RBFOX1: variants seen among roughly 807,000 people sequenced by gnomAD.
The protein encoded by RBFOX1 is RNA binding protein fox-1 homolog 1.
Under a neutral mutation model 57.7 loss-of-function variants are expected in RBFOX1, and 8 were observed. That is an observed-to-expected ratio of 0.14 (90% CI 0.08 to 0.25). RBFOX1 has a LOEUF of 0.25. Among genes scored for constraint, RBFOX1 ranks in the 10% least tolerant of loss-of-function variants. The probability of loss-of-function intolerance (pLI) is 1.00; values close to 1 mark genes in which losing one functional copy is unlikely to be tolerated. For synonymous variants in RBFOX1, 326 were observed against 222.4 expected (o/e 1.47, Z -4.15); for missense variants, 611 against 548.5 (o/e 1.11, Z -1.14).
rs2094523996 is a variant in RBFOX1 at position 6,448,158 on chromosome 16, T to TC, written c.-64+131101_-64+131102insC. Among the ~76,000 whole-genome samples, 3 of 127,980 alleles carry TC rather than the reference T, an allele frequency of 2.3e-5. No homozygotes were observed. The South Asian group carries it at 8.2e-4, about 35-fold the overall frequency. 84.0% of individuals were successfully genotyped at this position (127,980 alleles called of 152,430 possible). On this transcript the variant is annotated intron_variant, in intron 2 of 15. Transcript: ENST00000550418. ...CTTTTTTTTCTTTTCTTTTCTTTCTTTTTTTTTTTTTTTTTTTTTGAGATG... is the reference window on the plus strand; with the variant it reads ...CTTTTTTTTCTTTTCTTTTCTTTCTTCTTTTTTTTTTTTTTTTTTTGAGATG...
intron 1 of RBFOX1, among the ~76,000 whole-genome samples, chr16:5,294,519 T>G (rs900017540): frequency 3.3e-5 from 5 of 152,196 alleles, no homozygotes; most frequent in African/African-American, 1.2e-4. Context: ...TGCCTCAAAA[T>G]GCACTGGGAT....
intron 2 of RBFOX1, among the ~76,000 whole-genome samples, chr16:6,488,404 A>T (rs181168023): frequency 9.0e-4 from 137 of 152,312 alleles, no homozygotes; most frequent in Middle Eastern, 3.4e-3. Flanking sequence ...AGCAGTAACA[A>T]TACAATGCCG....
At chr16:5,904,099 A>G (rs923077503) in intron 4 of RBFOX1, among the ~76,000 whole-genome samples, 1 of 152,128 alleles carries the variant, frequency 6.6e-6, no homozygotes. Flanking sequence ...CATGATTAGT[A>G]TGCAGGTAAG....
intron 4 of RBFOX1, among the ~76,000 whole-genome samples, chr16:7,411,444 T>G (rs2098424247): frequency 6.6e-6 from 1 of 152,134 alleles, no homozygotes; most frequent in Admixed American, 6.5e-5. Flanking sequence ...CCTAACAGAC[T>G]TAGCAAAGAT....
intron 3 of RBFOX1, among the ~76,000 whole-genome samples, chr16:6,658,854 T>C (rs1236305175): frequency 6.6e-6 from 1 of 152,048 alleles, no homozygotes; most frequent in African/African-American, 2.4e-5. Context: ...CCTAGGGAGA[T>C]CCTAAGGGAT....
Position 6,572,750 on chromosome 16 carries a change from C to A in RBFOX1, c.-63-81853C>A, listed in dbSNP as rs367706846. On this transcript the variant is annotated intron_variant, in intron 2 of 15. Coordinates refer to ENST00000550418, the MANE Select transcript of RBFOX1 (RefSeq NM_018723.4). The stretch of plus-strand genomic sequence containing the variant: ...TAGAATTACAGGTGTGAGATATGCA[C>A]CCAGCTAATTTTTTGTGTCTTTTAG... Among the ~76,000 whole-genome samples, 18 of 152,192 alleles carry A rather than the reference C, an allele frequency of 1.2e-4. No homozygotes were observed. In the East Asian group the frequency reaches 1.9e-3, roughly 16 times the overall value.
intron 3 of RBFOX1, among the ~76,000 whole-genome samples, chr16:6,706,739 T>C (rs2062816585): frequency 2.7e-5 from 4 of 148,796 alleles, no homozygotes; most frequent in Non-Finnish European, 4.4e-5. Flanking sequence ...ATAGAGTGTG[T>C]GGCAGAGTTC....
chr16:6,773,365 T>C (rs2078746056), intron 3 of RBFOX1, among the ~76,000 whole-genome samples: 1 of 145,070 alleles, frequency 6.9e-6, no homozygotes, highest in African/African-American at 2.6e-5. Context: ...GGGGTGCATT[T>C]GTGTGTGTGT....
At chr16:5,812,128 T>C (rs986438512) in intron 3 of RBFOX1, among the ~76,000 whole-genome samples, 1 of 152,204 alleles carries the variant, frequency 6.6e-6, no homozygotes, top group Non-Finnish European at 1.5e-5. Flanking sequence ...GTTTGGTTCT[T>C]TTTGTTGTGC....
In RBFOX1 at chr16:6,080,929, A is replaced by G. The variant is rs148907125; in HGVS notation, c.-127+60937A>G. Among the ~76,000 whole-genome samples the G allele has an allele frequency of 3.7e-3, 559 of 152,298 alleles. 4 individuals are homozygous for G. Among genetic ancestry groups the G allele is most frequent in the African/African-American group, 0.013 (523 of 41,576 alleles). On this transcript the variant is annotated intron_variant, in intron 1 of 15. Transcript: ENST00000550418. The stretch of plus-strand genomic sequence containing the variant: ...AGAGAAAATCAAAGACATAGTCTGC[A>G]TTTGGAAACACCCAGAACCACAAAT...
At chr16:6,720,523 T>A (rs1318941282) in intron 3 of RBFOX1, among the ~76,000 whole-genome samples, 1 of 151,876 alleles carries the variant, frequency 6.6e-6, no homozygotes, top group Non-Finnish European at 1.5e-5. Flanking sequence ...CAGGAAAGGG[T>A]GTTACAGGCA....
At chr16:6,847,788 A>G (rs1445409884) in intron 3 of RBFOX1, among the ~76,000 whole-genome samples, 1 of 152,040 alleles carries the variant, frequency 6.6e-6, no homozygotes, top group South Asian at 2.1e-4. Flanking sequence ...AAATTAAATA[A>G]AATCTGGTAA....
At chr16:5,314,604 G>C (rs1012665714) in intron 1 of RBFOX1, among the ~76,000 whole-genome samples, 3 of 152,164 alleles carry the variant, frequency 2.0e-5, no homozygotes, top group African/African-American at 2.4e-5. Context: ...GGGCTGAAGT[G>C]ATCCTCCTTT....
At chr16:6,223,330 G>A (rs989095396) in intron 1 of RBFOX1, among the ~76,000 whole-genome samples, 2 of 150,090 alleles carry the variant, frequency 1.3e-5, no homozygotes, top group African/African-American at 4.9e-5. Context: ...GTGTAAAAGT[G>A]TTCCTATTTC....
Position 6,588,370 on chromosome 16 carries a change from C to T in RBFOX1, c.-63-66233C>T, listed in dbSNP as rs142824156. Among the ~76,000 whole-genome samples the T allele has an allele frequency of 5.1e-3, 773 of 150,658 alleles. 4 individuals are homozygous for T. Among genetic ancestry groups the T allele is most frequent in the Non-Finnish European group, 8.6e-3 (580 of 67,564 alleles). On this transcript the variant is annotated intron_variant, in intron 2 of 15. Coordinates refer to ENST00000550418, the MANE Select transcript of RBFOX1 (RefSeq NM_018723.4). ...AGCTTTTGATCTAGAAGAGTACTCT[C>T]GGCTGGGTGCGATGGCTCACGCCTG... is the stretch of plus-strand genomic sequence containing the variant.
chr16:7,305,022 A>G (rs2096143546), intron 4 of RBFOX1, among the ~76,000 whole-genome samples: 1 of 147,078 alleles, frequency 6.8e-6, no homozygotes, highest in Admixed American at 6.9e-5. Context: ...GAATTTCTGG[A>G]GTGTGTCAGC....
chr16:7,391,874 G>A (rs569333394), intron 4 of RBFOX1, among the ~76,000 whole-genome samples: 15 of 152,246 alleles, frequency 9.9e-5, no homozygotes, highest in South Asian at 6.2e-4. Flanking sequence ...ATTCTTTTAC[G>A]TAGGCTGAGA....
intron 1 of RBFOX1, among the ~76,000 whole-genome samples, chr16:6,046,637 C>G (rs553649744): frequency 1.3e-5 from 2 of 152,244 alleles, no homozygotes; most frequent in South Asian, 2.1e-4. Flanking sequence ...AAAATTGGCC[C>G]AAGGTTAGGG....
intron 3 of RBFOX1, among the ~76,000 whole-genome samples, chr16:6,861,104 A>T (rs542663616): frequency 4.6e-5 from 7 of 152,212 alleles, no homozygotes; most frequent in African/African-American, 1.7e-4. Context: ...TTTATGTTGC[A>T]AGCTGCGGGG....
Sources: allele counts gnomAD v4.1 joint callset (sites outside exome capture counted in the v4.1 genomes callset), GRCh38; gene constraint gnomAD v4.1.1; transcripts MANE v1.5; gene names NCBI Gene and HGNC (gene_info 2026-07-23, HGNC 2026-07-21).